The following MITF variants were observed in gnomAD, a reference collection of about 807,000 sequenced individuals.
MITF encodes melanocyte inducing transcription factor.
Under a neutral mutation model 60.5 loss-of-function variants are expected in MITF, and 17 were observed. The ratio of observed to expected loss-of-function variants is 0.28; its 90% CI spans 0.19 to 0.42. The LOEUF (loss-of-function observed/expected upper bound fraction) is 0.42. Among genes scored for constraint, MITF ranks in the 10% least tolerant of loss-of-function variants. MITF has a pLI of 1.00. For missense variants in MITF, 622 were observed against 683.5 expected (o/e 0.91, Z 1.00); for synonymous variants, 260 against 248.5 (o/e 1.05, Z -0.43).
intron 9 of MITF, among the ~76,000 whole-genome samples, chr3:69,961,243 C>T (rs2066535798): frequency 6.6e-6 from 1 of 151,512 alleles, no homozygotes; most frequent in Non-Finnish European, 1.5e-5. Context: ...ATTAGCTGGG[C>T]ATGGTGGCGG....
At chr3:69,964,091 C>T (rs2066623471) in intron 9 of MITF, among the ~76,000 whole-genome samples, 1 of 150,314 alleles carries the variant, frequency 6.7e-6, no homozygotes, top group Admixed American at 6.7e-5. Flanking sequence ...ATTCTCCTGC[C>T]TCAGCCTCCC....
chr3:69,879,463 T>C (rs1162545022), intron 2 of MITF, 80 bp downstream of exon 2: 1 of 1,596,394 alleles, frequency 6.3e-7, no homozygotes, highest in African/African-American at 1.3e-5. Context: ...TATCTGAATA[T>C]GTATTTTGTT....
intron 1 of MITF, among the ~76,000 whole-genome samples, chr3:69,827,169 T>A (rs1351666462): frequency 6.6e-6 from 1 of 152,218 alleles, no homozygotes; most frequent in African/African-American, 2.4e-5. Flanking sequence ...CTTTCTCCAG[T>A]ACCACCACTG....
rs113869500 is a variant in MITF, at chr3:69,801,520, C to T, written c.104+61819C>T. On this transcript the variant is annotated intron_variant, in intron 1 of 9. Coordinates refer to ENST00000352241, the MANE Select transcript of MITF (RefSeq NM_001354604.2). ...AGGAACTTAACAGTGGAATATAGAC[C>T]GCATTGATGCCAAGAGATATCAAGG... is the stretch of plus-strand genomic sequence containing the variant. Among the ~76,000 whole-genome samples the T allele has an allele frequency of 5.3e-5, 8 of 151,974 alleles. No homozygotes were observed. The South Asian group carries it at 6.2e-4, about 12-fold the overall frequency.
intron 1 of MITF, among the ~76,000 whole-genome samples, chr3:69,779,547 G>A (rs2062529415): frequency 6.6e-6 from 1 of 152,054 alleles, no homozygotes; most frequent in Non-Finnish European, 1.5e-5. Context: ...AGGATTTACT[G>A]TTTCTGATAA....
At chr3:69,844,834 A>T (rs1427457082) in intron 1 of MITF, among the ~76,000 whole-genome samples, 1 of 152,208 alleles carries the variant, frequency 6.6e-6, no homozygotes, top group Non-Finnish European at 1.5e-5. Flanking sequence ...ATTTCACACA[A>T]GTGTGTTTGA....
chr3:69,927,280 A>G (rs1399922531), intron 2 of MITF, among the ~76,000 whole-genome samples: 2 of 152,190 alleles, frequency 1.3e-5, no homozygotes, highest in African/African-American at 4.8e-5. Flanking sequence ...CGGAAAACCA[A>G]ACACCACATG....
At chr3:69,760,733 G>A (rs1032531456) in intron 1 of MITF, among the ~76,000 whole-genome samples, 7 of 152,182 alleles carry the variant, frequency 4.6e-5, no homozygotes, top group South Asian at 4.1e-4. Context: ...GGAAATAAGC[G>A]CTGGTAGTCT....
intron 9 of MITF, among the ~76,000 whole-genome samples, chr3:69,960,477 T>C (rs1301188808): frequency 6.6e-6 from 1 of 152,078 alleles, no homozygotes; most frequent in African/African-American, 2.4e-5. Flanking sequence ...TCTTGTTGAG[T>C]GAAAGGGCAC....
At chr3:69,942,160 C>T (rs181278066) in intron 5 of MITF, among the ~76,000 whole-genome samples, 1 of 152,026 alleles carries the variant, frequency 6.6e-6, no homozygotes, top group Admixed American at 6.5e-5. Context: ...TTTTAAAGAC[C>T]AATATTTATT....
rs551213451 is a variant in MITF at position 69,775,979 on chromosome 3, T to G, written c.104+36278T>G. 5.3e-5 allele frequency among the ~76,000 whole-genome samples: 8 copies of G among 152,354 alleles called. No individual in the cohort carries two copies. The South Asian group carries it at 1.7e-3, about 32-fold the overall frequency. ...TTTTGCAGTGTGCATTGCGGTTACA[T>G]TGGCTCCCAGAAGATTAGCTCAAAG... On this transcript the variant is annotated intron_variant, in intron 1 of 9. Coordinates refer to ENST00000352241, the MANE Select transcript of MITF (RefSeq NM_001354604.2).
At chr3:69,852,710 G>A (rs945730656) in intron 1 of MITF, among the ~76,000 whole-genome samples, 1 of 152,188 alleles carries the variant, frequency 6.6e-6, no homozygotes, top group Non-Finnish European at 1.5e-5. Flanking sequence ...GCATGCACAT[G>A]TTCAGCTTTT....
At chr3:69,878,873 G>A (rs1234292956) in intron 1 of MITF, among the ~76,000 whole-genome samples, 5 of 149,794 alleles carry the variant, frequency 3.3e-5, no homozygotes, top group Non-Finnish European at 7.4e-5. Context: ...AGCATAAAAT[G>A]TAAAAAAAAA....
At chr3:69,834,661 C>CTGATTTCA (rs1347347886) in intron 1 of MITF, among the ~76,000 whole-genome samples, 1 of 152,084 alleles carries the variant, frequency 6.6e-6, no homozygotes, top group Non-Finnish European at 1.5e-5. Flanking sequence ...CTTTGGCATA[C>CTGATTTCA]TGATTTCATT....
chr3:69,845,430 T>G (rs1228385576), intron 1 of MITF, among the ~76,000 whole-genome samples: 1 of 128,456 alleles, frequency 7.8e-6, no homozygotes, highest in East Asian at 2.0e-4. Context: ...TTTTCTTTTT[T>G]CTTTTTTCTT....
chr3:69,927,318 A>G (rs954944175), intron 2 of MITF, among the ~76,000 whole-genome samples: 1 of 152,134 alleles, frequency 6.6e-6, no homozygotes, highest in East Asian at 1.9e-4. Flanking sequence ...GAGTTGAACA[A>G]TGAGAACACA....
At chr3:69,837,452 A>T (rs962482208) in intron 1 of MITF, among the ~76,000 whole-genome samples, 5 of 152,166 alleles carry the variant, frequency 3.3e-5, no homozygotes, top group Admixed American at 6.5e-5. Context: ...CTCAAGAGGC[A>T]CTCAATATAT....
intron 1 of MITF, among the ~76,000 whole-genome samples, chr3:69,834,846 CTTTTTTT>C (rs71126468): frequency 4.6e-5 from 6 of 129,670 alleles, no homozygotes; most frequent in African/African-American, 1.1e-4. Flanking sequence ...GTTTTCTTTT[CTTTTTTT>C]TTTTTTTTTG....
intron 1 of MITF, among the ~76,000 whole-genome samples, chr3:69,786,604 A>G (rs1559629149): frequency 6.6e-6 from 1 of 152,162 alleles, no homozygotes; most frequent in East Asian, 1.9e-4. Context: ...TATGGGTTGC[A>G]CCGAGATGAC....
Sources: gnomAD v4.1 joint callset for allele counts (sites outside exome capture counted in the v4.1 genomes callset) on GRCh38, gnomAD v4.1.1 for gene constraint, MANE v1.5 for transcripts, NCBI Gene and HGNC (gene_info 2026-07-23, HGNC 2026-07-21) for gene names.